The following C18orf63 variants were observed in gnomAD, a reference collection of about 807,000 sequenced individuals.
C18orf63 encodes the protein uncharacterized protein C18orf63.
A neutral mutation model predicts 75.3 loss-of-function variants in C18orf63; 50 were observed. The observed-to-expected ratio is 0.66, with a 90% CI of 0.53 to 0.84. The LOEUF (loss-of-function observed/expected upper bound fraction) is 0.84. Ranked by LOEUF, C18orf63 falls within the 40% of genes least tolerant of loss-of-function variation. The probability of loss-of-function intolerance (pLI) is 0.00; values close to 1 mark genes in which losing one functional copy is unlikely to be tolerated. For synonymous variants in C18orf63, 232 were observed against 267.6 expected (o/e 0.87, Z 1.30); for missense variants, 732 against 800.2 (o/e 0.91, Z 1.03).
chr18:74,353,291 A>G lies in C18orf63; in HGVS notation c.1024A>G (p.Arg342Gly), dbSNP rs752976029. ...PPNLTTKKMLRASLTQATSRK... is the reference protein window; with the variant it reads ...PPNLTTKKMLGASLTQATSRK... ...CAATTTGACCACTAAAAAAATGCTT[A>G]GGGCATCTCTGACTCAAGCCACTTC... is the stretch of plus-strand genomic sequence containing the variant. Residue 342 changes from arginine to glycine, a missense_variant, in exon 12 of 14, where the codon AGG becomes GGG. This residue lies in a region of C18orf63 where 495 missense variants were observed against 508.7 expected (regional missense o/e 0.97). Coordinates refer to ENST00000579455, the MANE Select transcript of C18orf63 (RefSeq NM_001174123.2). The G allele has an allele frequency of 1.3e-4, 206 of 1,536,304 alleles. No homozygotes were observed. Among genetic ancestry groups the G allele is most frequent in the Middle Eastern group, 3.3e-4 (2 of 6,016 alleles).
chr18:74,326,020 A>G (rs918723819), intron 4 of C18orf63, among the ~76,000 whole-genome samples: 2 of 152,202 alleles, frequency 1.3e-5, no homozygotes, highest in Admixed American at 6.5e-5. Flanking sequence ...GAGAAAGTCA[A>G]TACAGAAATT....
At chr18:74,351,986 T>C (rs1041234217) in intron 11 of C18orf63, among the ~76,000 whole-genome samples, 8 of 152,180 alleles carry the variant, frequency 5.3e-5, no homozygotes, top group Admixed American at 3.9e-4. Flanking sequence ...GGACAAGATA[T>C]GTACTTTAAA....
intron 4 of C18orf63, among the ~76,000 whole-genome samples, chr18:74,323,394 G>A (rs2145115902): frequency 6.6e-6 from 1 of 152,314 alleles, no homozygotes; most frequent in African/African-American, 2.4e-5. Context: ...GAAGTAAAAT[G>A]TCAATAACAC....
intron 7 of C18orf63, among the ~76,000 whole-genome samples, chr18:74,335,086 G>T (rs1220254723): frequency 6.6e-6 from 1 of 152,024 alleles, no homozygotes; most frequent in Non-Finnish European, 1.5e-5. Context: ...CTATGCAAAT[G>T]TCTCATTCAA....
chr18:74,357,166 G>A lies in C18orf63; in HGVS notation c.*719G>A, dbSNP rs1984781248. ...TCTCAACAAAACTGGAGCCTTTATT[G>A]GGGTGGAGATTTCTGTTTCCACCAG... On this transcript the variant is annotated 3_prime_UTR_variant, in exon 14 of 14. Coordinates refer to ENST00000579455, the MANE Select transcript of C18orf63 (RefSeq NM_001174123.2). 6.6e-6 allele frequency: 1 copy of A among 152,070 alleles called. No individual in the cohort carries two copies. Among genetic ancestry groups the A allele is most frequent in the Admixed American group, 6.5e-5 (1 of 15,276 alleles). The allele number at this position is 152,070 out of a possible 1,614,324, so 9.4% of individuals were successfully genotyped here.
chr18:74,347,140 T>G (rs894029542), intron 11 of C18orf63, among the ~76,000 whole-genome samples: 2 of 152,220 alleles, frequency 1.3e-5, no homozygotes, highest in African/African-American at 4.8e-5. Flanking sequence ...TGCCCCAGTT[T>G]CCTCAGTTGT....
chr18:74,319,120 G>A (rs1984076772), intron 2 of C18orf63, among the ~76,000 whole-genome samples: 1 of 152,108 alleles, frequency 6.6e-6, no homozygotes, highest in African/African-American at 2.4e-5. Flanking sequence ...ACCTGTTAAG[G>A]ACTTAATCTG....
chr18:74,319,115 T>TATAATATGA (rs1984076682), intron 2 of C18orf63, among the ~76,000 whole-genome samples: 1 of 152,208 alleles, frequency 6.6e-6, no homozygotes, highest in Non-Finnish European at 1.5e-5. Flanking sequence ...ATGATACCTG[T>TATAATATGA]TAAGGACTTA....
chr18:74,348,032 A>G (rs553630092), intron 11 of C18orf63, among the ~76,000 whole-genome samples: 12 of 152,152 alleles, frequency 7.9e-5, no homozygotes, highest in African/African-American at 2.7e-4. Context: ...AGAATTAACA[A>G]TAGTTTCTTA....
Position 74,331,847 on chromosome 18 carries a change from T to C in C18orf63, c.501+905T>C, listed in dbSNP as rs1178075541. 2.6e-5 allele frequency among the ~76,000 whole-genome samples: 4 copies of C among 152,240 alleles called. No individual in the cohort carries two copies. The East Asian group carries it at 5.8e-4, about 22-fold the overall frequency. On this transcript the variant is annotated intron_variant, in intron 7 of 13. Coordinates refer to ENST00000579455, the MANE Select transcript of C18orf63 (RefSeq NM_001174123.2). ...ACTCCTCTATTCATTTATTTCCATTTAATTCTTTGATTACCTCTTATGTGG... is the reference window on the plus strand; with the variant it reads ...ACTCCTCTATTCATTTATTTCCATTCAATTCTTTGATTACCTCTTATGTGG...
intron 11 of C18orf63, among the ~76,000 whole-genome samples, chr18:74,351,008 C>G (rs368935027): frequency 1.3e-5 from 2 of 152,206 alleles, no homozygotes; most frequent in African/African-American, 4.8e-5. Flanking sequence ...GCCTCCAAAA[C>G]TGTTGCTTAT....
chr18:74,357,633 G>T lies in C18orf63; in HGVS notation c.*1186G>T, dbSNP rs929741064. On this transcript the variant is annotated 3_prime_UTR_variant, in exon 14 of 14. Coordinates refer to ENST00000579455, the MANE Select transcript of C18orf63 (RefSeq NM_001174123.2). ...TCTGATTTTGTAAATGTGATTTATTGTCTCCACCACTTTACTAAACCATTG... is the reference window on the plus strand; with the variant it reads ...TCTGATTTTGTAAATGTGATTTATTTTCTCCACCACTTTACTAAACCATTG... 2.6e-5 allele frequency: 4 copies of T among 151,890 alleles called. No individual in the cohort carries two copies. Among genetic ancestry groups the T allele is most frequent in the Non-Finnish European group, 4.4e-5 (3 of 67,984 alleles). The allele number at this position is 151,890 out of a possible 1,614,324, so 9.4% of individuals were successfully genotyped here.
chr18:74,343,316 G>A (rs1410615765), intron 10 of C18orf63, among the ~76,000 whole-genome samples: 3 of 152,010 alleles, frequency 2.0e-5, no homozygotes, highest in Non-Finnish European at 2.9e-5. Context: ...GTCTTGATTT[G>A]GAATGTTAGA....
At chr18:74,317,691 G>A in intron 1 of C18orf63, 143 bp from the exon 2 acceptor site, 2 of 475,450 alleles carry the variant, frequency 4.2e-6, no homozygotes, top group Non-Finnish European at 7.3e-6. Context: ...TAAATGGCAG[G>A]GATACTTAAC....
intron 11 of C18orf63, among the ~76,000 whole-genome samples, chr18:74,345,304 T>C (rs1984556547): frequency 6.6e-6 from 1 of 152,100 alleles, no homozygotes; most frequent in African/African-American, 2.4e-5. Flanking sequence ...TACATAATTA[T>C]CTTCTTTCAT....
intron 10 of C18orf63, among the ~76,000 whole-genome samples, chr18:74,342,832 C>T (rs1392765619): frequency 2.0e-5 from 3 of 152,162 alleles, no homozygotes; most frequent in South Asian, 2.1e-4. Context: ...AATATACACA[C>T]GAGAAGAGCA....
At chr18:74,351,608 A>G (rs1352575396) in intron 11 of C18orf63, among the ~76,000 whole-genome samples, 1 of 152,246 alleles carries the variant, frequency 6.6e-6, no homozygotes, top group Non-Finnish European at 1.5e-5. Context: ...AGCATGAGAG[A>G]TGCCAAACTA....
chr18:74,327,144 T>G (rs1220064374), intron 4 of C18orf63, among the ~76,000 whole-genome samples: 1 of 152,010 alleles, frequency 6.6e-6, no homozygotes, highest in African/African-American at 2.4e-5. Flanking sequence ...TTAAACAAGT[T>G]TTATTGTGAG....
chr18:74,315,906 G>C lies in C18orf63; in HGVS notation c.-236G>C, dbSNP rs1984010692. On this transcript the variant is annotated 5_prime_UTR_variant, in exon 1 of 14. Transcript: ENST00000579455. The stretch of plus-strand genomic sequence containing the variant: ...TCCTGAGGGCAGCGAGGAGGGAGCT[G>C]AGGCACGCGGGCTCTCAATCGACGC... 1 of 152,448 alleles carries C rather than the reference G, an allele frequency of 6.6e-6. No individual in the cohort carries two copies. Among genetic ancestry groups the C allele is most frequent in the African/African-American group, 2.4e-5 (1 of 41,452 alleles). 9.4% of individuals were successfully genotyped at this position (152,448 alleles called of 1,614,324 possible).
Sources: gnomAD v4.1 joint callset for allele counts (sites outside exome capture counted in the v4.1 genomes callset) on GRCh38, gnomAD v4.1.1 for gene constraint, gnomAD v4.1.1 regional missense constraint, MANE v1.5 for transcripts, NCBI Gene and HGNC (gene_info 2026-07-23, HGNC 2026-07-21) for gene names.